The following REPS2 variants were observed in gnomAD, a reference collection of about 807,000 sequenced individuals.
The protein encoded by REPS2 is RALBP1 associated Eps domain containing 2, also known as ralBP1-associated Eps domain-containing protein 2.
Under a neutral mutation model 53.6 loss-of-function variants are expected in REPS2, and 23 were observed. The observed-to-expected ratio is 0.43, with a 90% CI of 0.31 to 0.61. REPS2 has a LOEUF of 0.61. Among genes scored for constraint, REPS2 ranks in the 20% least tolerant of loss-of-function variants. REPS2 has a pLI of 0.11. For missense variants in REPS2, 446 were observed against 534.9 expected, an observed-to-expected ratio of 0.83 and a Z score of 1.64; for synonymous variants, 238 against 218.6, an observed-to-expected ratio of 1.09 and a Z score of -0.78.
intron 1 of REPS2, among the ~76,000 whole-genome samples, chrX:16,958,857 G>C (rs1213179742): frequency 8.9e-6 from 1 of 111,819 alleles, no homozygotes; most frequent in Non-Finnish European, 1.9e-5. Context: ...GCCAGCACAG[G>C]CTATGAGCAG....
At chrX:17,131,129 T>C (rs890962036) in intron 14 of REPS2, among the ~76,000 whole-genome samples, 5 of 111,082 alleles carry the variant, frequency 4.5e-5, no homozygotes, top group African/African-American at 6.6e-5. Flanking sequence ...ACAGATGGGA[T>C]TACCCTGGGA....
chrX:17,088,252 A>G (rs1427738902), intron 13 of REPS2, among the ~76,000 whole-genome samples: 1 of 111,511 alleles, frequency 9.0e-6, no homozygotes, highest in Admixed American at 9.5e-5. Context: ...CCAACCCTAG[A>G]GTTTTAATAG....
At chrX:17,193,906 C>T in the REPS2 span, among the ~76,000 whole-genome samples, 232 of 111,565 alleles carry the variant, frequency 2.1e-3, 1 homozygote, top group Non-Finnish European at 3.5e-3. Flanking sequence ...AGCTATCAGT[C>T]ATTTTACTGT....
chrX:16,963,319 C>T (rs1406175527), intron 1 of REPS2, among the ~76,000 whole-genome samples: 3 of 111,926 alleles, frequency 2.7e-5, no homozygotes, highest in African/African-American at 9.7e-5. Context: ...AAAGAAATAG[C>T]TTTGTTCTGT....
chrX:17,124,657 G>C (rs2063183599), intron 14 of REPS2, among the ~76,000 whole-genome samples: 1 of 110,782 alleles, frequency 9.0e-6, no homozygotes, highest in African/African-American at 3.3e-5. Flanking sequence ...TGCTGGAAAG[G>C]CCCTGGAGGC....
At chrX:17,099,807 G>A in intron 13 of REPS2, 1 of 567,392 alleles carries the variant, frequency 1.8e-6, no homozygotes, top group Non-Finnish European at 3.2e-6. Flanking sequence ...TTTGGGGTAG[G>A]AATGCCACGT....
chrX:17,031,213 G>A (rs1028215770), intron 5 of REPS2, among the ~76,000 whole-genome samples: 2 of 112,311 alleles, frequency 1.8e-5, no homozygotes, highest in Admixed American at 9.4e-5. Flanking sequence ...AAATGTGGCT[G>A]TGTAGGTTCC....
chrX:16,979,056 A>G (rs1395102156), intron 1 of REPS2, among the ~76,000 whole-genome samples: 1 of 112,111 alleles, frequency 8.9e-6, no homozygotes, highest in Non-Finnish European at 1.9e-5. Flanking sequence ...CTTTACCTTA[A>G]CTTCACGTTG....
At position 17,148,807 on chromosome X, in the gene REPS2, A is replaced by C. The variant is rs1174154458; in HGVS notation, c.*1326A>C. On this transcript the variant is annotated 3_prime_UTR_variant, in exon 18 of 18. Coordinates refer to ENST00000357277, the MANE Select transcript of REPS2 (RefSeq NM_004726.3). ...ACCACTTTGAGAGACCAATGGCAAGAAATGCTGTCTCTTGTGCATTTTACT... is the reference window on the plus strand; with the variant it reads ...ACCACTTTGAGAGACCAATGGCAAGCAATGCTGTCTCTTGTGCATTTTACT... 3.0e-5 allele frequency: 9 copies of C among 295,180 alleles called. No individual in the cohort carries two copies. The Admixed American group carries it at 3.2e-4, about 11-fold the overall frequency. 24.3% of individuals were successfully genotyped at this position (295,180 alleles called of 1,213,427 possible). A position where few individuals can be genotyped will look rare whatever the true frequency, so the allele number is the denominator to read the frequency against.
chrX:17,132,276 C>T (rs2063302176), intron 14 of REPS2, among the ~76,000 whole-genome samples: 1 of 112,423 alleles, frequency 8.9e-6, no homozygotes, highest in South Asian at 3.7e-4. Context: ...TCCAGATTGC[C>T]AGCCTGACTG....
Position 16,946,772 on chromosome X carries a change from G to GGCGGCA in REPS2, c.-88_-87insGGCAGC, listed in dbSNP as rs1309008387. ...CGGTGGTGGCGGCGGCGGCGGCGGC[G>GGCGGCA]GCAGCTGAGGCCGAGGAGGCGGTGG... On this transcript the variant is annotated 5_prime_UTR_variant, in exon 1 of 18. Transcript: ENST00000357277. 1 of 757,245 alleles carries GGCGGCA rather than the reference G, an allele frequency of 1.3e-6. No homozygotes were observed. The highest frequency in any genetic ancestry group is 2.4e-5 in the African/African-American group (1 of 42,504). The allele number at this position is 757,245 out of a possible 1,213,427, so 62.4% of individuals were successfully genotyped here. A position where few individuals can be genotyped will look rare whatever the true frequency, so the allele number is the denominator to read the frequency against.
At chrX:17,163,746 A>T in the REPS2 span, among the ~76,000 whole-genome samples, 1 of 112,083 alleles carries the variant, frequency 8.9e-6, no homozygotes, top group African/African-American at 3.2e-5. Flanking sequence ...TTAGACATGA[A>T]GTTTCATTCT....
intron 1 of REPS2, among the ~76,000 whole-genome samples, chrX:16,961,166 A>G (rs987699893): frequency 3.6e-5 from 4 of 112,320 alleles, no homozygotes; most frequent in Non-Finnish European, 7.5e-5. Context: ...AACAAAAACA[A>G]GGTTGGAGGC....
chrX:17,006,236 G>A lies in REPS2; in HGVS notation c.289G>A (p.Gly97Ser). Residue 97 changes from glycine to serine, a missense_variant, in exon 2 of 18, where the codon GGT becomes AGT. Physicochemically the swap from Gly to Ser is moderately conservative, Grantham distance 56 (BLOSUM62 0). Transcript: ENST00000357277. ...CTGTTCTCAGATCACAGAACTGTGTGGTGCAAAGCGGGTTGGTTATTTTGG... is the reference window on the plus strand; with the variant it reads ...CTGTTCTCAGATCACAGAACTGTGTAGTGCAAAGCGGGTTGGTTATTTTGG... ...ETLHQITELC[G>S]AKRVGYFGPT... is the part of the protein sequence containing the mutation. 2 of 1,210,533 alleles carry A rather than the reference G, an allele frequency of 1.7e-6. No individual in the cohort carries two copies. Among genetic ancestry groups the A allele is most frequent in the Non-Finnish European group, 2.2e-6 (2 of 894,513 alleles).
intron 14 of REPS2, among the ~76,000 whole-genome samples, chrX:17,124,066 G>A (rs2063175139): frequency 8.9e-6 from 1 of 112,614 alleles, no homozygotes; most frequent in African/African-American, 3.2e-5. Flanking sequence ...ATCCCACTTT[G>A]CAGATGAAGA....
intron 2 of REPS2, among the ~76,000 whole-genome samples, chrX:17,011,703 G>T (rs1308922183): frequency 9.1e-6 from 1 of 109,835 alleles, no homozygotes; most frequent in Non-Finnish European, 1.9e-5. Context: ...ATCACTTGAG[G>T]CCAGGAGTTC....
the REPS2 span, among the ~76,000 whole-genome samples, chrX:17,164,553 A>G: frequency 1.8e-5 from 2 of 112,221 alleles, no homozygotes; most frequent in Admixed American, 9.5e-5. Flanking sequence ...ACAATCATAA[A>G]CATATGTTTG....
chrX:16,978,205 A>G (rs2060979657), intron 1 of REPS2, among the ~76,000 whole-genome samples: 1 of 112,157 alleles, frequency 8.9e-6, no homozygotes, highest in African/African-American at 3.2e-5. Flanking sequence ...AGAAAGAAGG[A>G]CACTTCATTT....
At chrX:17,052,352 A>G (rs1347716282) in intron 6 of REPS2, 30 bp from the exon 7 acceptor site, 1 of 1,161,683 alleles carries the variant, frequency 8.6e-7, no homozygotes. Context: ...TGAGTAATTA[A>G]TGGTTTATTT....
Sources: gnomAD v4.1 joint callset for allele counts (sites outside exome capture counted in the v4.1 genomes callset) on GRCh38, gnomAD v4.1.1 for gene constraint, MANE v1.5 for transcripts, NCBI Gene and HGNC (gene_info 2026-07-23, HGNC 2026-07-21) for gene names.